The following F13A1 variants were observed in gnomAD, a reference collection of about 807,000 sequenced individuals.
F13A1 encodes FSF, A subunit.
Under a neutral mutation model 80.1 loss-of-function variants are expected in F13A1, and 47 were observed. The ratio of observed to expected loss-of-function variants is 0.59; its 90% CI spans 0.46 to 0.75. F13A1 has a LOEUF of 0.75. Ranked by LOEUF, F13A1 falls within the 30% of genes least tolerant of loss-of-function variation. F13A1 has a pLI of 0.00. For synonymous variants in F13A1, 349 were observed against 344.9 expected (o/e 1.01, Z -0.13); for missense variants, 817 against 930.4 (o/e 0.88, Z 1.59).
intron 8 of F13A1, among the ~76,000 whole-genome samples, chr6:6,208,716 A>G (rs1039301915): frequency 1.3e-5 from 2 of 152,306 alleles, no homozygotes; most frequent in Admixed American, 1.3e-4. Flanking sequence ...CATTAAAAAA[A>G]TAATTTACCA....
intron 8 of F13A1, among the ~76,000 whole-genome samples, chr6:6,203,443 C>T (rs1235436584): frequency 6.6e-6 from 1 of 152,202 alleles, no homozygotes; most frequent in Admixed American, 6.5e-5. Context: ...CCTTTTAAGT[C>T]TGGGTCTAGA....
chr6:6,315,474 A>G (rs531446248), intron 2 of F13A1, among the ~76,000 whole-genome samples: 1 of 152,230 alleles, frequency 6.6e-6, no homozygotes, highest in African/African-American at 2.4e-5. Context: ...GGTGTGTATG[A>G]GAGGAAACTT....
intron 6 of F13A1, among the ~76,000 whole-genome samples, chr6:6,245,370 G>T (rs1161598296): frequency 6.6e-6 from 1 of 152,062 alleles, no homozygotes; most frequent in Non-Finnish European, 1.5e-5. Flanking sequence ...TTACAGGCAT[G>T]CATCACCATG....
intron 8 of F13A1, among the ~76,000 whole-genome samples, chr6:6,220,479 T>TGG (rs771077236): frequency 1.8e-4 from 28 of 152,078 alleles, no homozygotes; most frequent in Non-Finnish European, 2.9e-4. Context: ...TATTTGATGA[T>TGG]GGGAGGTACC....
At chr6:6,177,553 C>G (rs1301572664) in intron 11 of F13A1, among the ~76,000 whole-genome samples, 1 of 152,212 alleles carries the variant, frequency 6.6e-6, no homozygotes, top group Non-Finnish European at 1.5e-5. Context: ...CAGCCAGAGA[C>G]AAAACTTTCC....
intron 8 of F13A1, among the ~76,000 whole-genome samples, chr6:6,218,694 G>T (rs1466308621): frequency 6.6e-6 from 1 of 152,196 alleles, no homozygotes. Flanking sequence ...CCCCCCTGAG[G>T]TGAGGCTCCC....
At chr6:6,314,362 G>A (rs1758650575) in intron 2 of F13A1, among the ~76,000 whole-genome samples, 2 of 152,130 alleles carry the variant, frequency 1.3e-5, no homozygotes, top group East Asian at 1.9e-4. Context: ...TTATCTGCAG[G>A]AGGAAAGCAA....
chr6:6,151,070 C>T lies in F13A1; in HGVS notation c.2045+743G>A, dbSNP rs540194429. Reference sequence around the variant, plus strand: ...AATGGTAGAAAAACCTGTTTCCTTACTGTTAGAGCTACCTGACCATGGAAT... The same window carrying T: ...AATGGTAGAAAAACCTGTTTCCTTATTGTTAGAGCTACCTGACCATGGAAT... On this transcript the variant is annotated intron_variant, in intron 14 of 14. Coordinates refer to ENST00000264870, the MANE Select transcript of F13A1 (RefSeq NM_000129.4). 1.3e-3 allele frequency among the ~76,000 whole-genome samples: 202 copies of T among 152,314 alleles called. 1 individual carries two copies. Among genetic ancestry groups the T allele is most frequent in the Middle Eastern group, 6.8e-3 (2 of 294 alleles).
At position 6,185,289 on chromosome 6, in the gene F13A1, C is replaced by G. The variant is rs149805422; in HGVS notation, c.1306-3148G>C. Among the ~76,000 whole-genome samples, 861 of 121,242 alleles carry G rather than the reference C, an allele frequency of 7.1e-3. 7 individuals carry two copies. Among genetic ancestry groups the G allele is most frequent in the Middle Eastern group, 0.07 (15 of 214 alleles). 79.5% of individuals were successfully genotyped at this position (121,242 alleles called of 152,430 possible). A position where few individuals can be genotyped will look rare whatever the true frequency, so the allele number is the denominator to read the frequency against. ...ATGCTATCCCTCCCCCCTCCCCCCACCCCACAACAGTCCCCAAAGTGTGAT... is the reference window on the plus strand; with the variant it reads ...ATGCTATCCCTCCCCCCTCCCCCCAGCCCACAACAGTCCCCAAAGTGTGAT... On this transcript the variant is annotated intron_variant, in intron 10 of 14. Transcript: ENST00000264870.
intron 3 of F13A1, among the ~76,000 whole-genome samples, chr6:6,298,859 T>C (rs1758374388): frequency 6.7e-6 from 1 of 149,212 alleles, no homozygotes; most frequent in Non-Finnish European, 1.5e-5. Flanking sequence ...GTCTTTACAT[T>C]TTGGCATGAT....
At chr6:6,158,284 A>G (rs916964233) in intron 13 of F13A1, among the ~76,000 whole-genome samples, 5 of 152,106 alleles carry the variant, frequency 3.3e-5, no homozygotes, top group African/African-American at 1.2e-4. Context: ...AGGGAGAGCA[A>G]GCTGGATGCA....
At chr6:6,256,195 A>T (rs1757699963) in intron 4 of F13A1, among the ~76,000 whole-genome samples, 1 of 152,150 alleles carries the variant, frequency 6.6e-6, no homozygotes, top group Non-Finnish European at 1.5e-5. Flanking sequence ...CTATTCTAGA[A>T]ACCCAACAAT....
intron 6 of F13A1, among the ~76,000 whole-genome samples, chr6:6,246,883 T>C (rs939265409): frequency 6.6e-6 from 1 of 152,266 alleles, no homozygotes; most frequent in African/African-American, 2.4e-5. Context: ...TAGCTGTTGC[T>C]TCCTTTCTTA....
intron 1 of F13A1, among the ~76,000 whole-genome samples, chr6:6,319,636 T>C (rs1171998023): frequency 6.6e-6 from 1 of 152,160 alleles, no homozygotes; most frequent in Non-Finnish European, 1.5e-5. Flanking sequence ...TCATGACTCC[T>C]GGAGACTTGG....
At chr6:6,308,717 A>G (rs1758549550) in intron 2 of F13A1, among the ~76,000 whole-genome samples, 1 of 149,596 alleles carries the variant, frequency 6.7e-6, no homozygotes, top group Admixed American at 6.8e-5. Flanking sequence ...GGTTCAAGCA[A>G]TTCTCATGTC....
At chr6:6,151,707 A>G (rs1002340452) in intron 14 of F13A1, 106 bp downstream of exon 14, 6 of 1,524,012 alleles carry the variant, frequency 3.9e-6, no homozygotes, top group Non-Finnish European at 2.7e-6. Flanking sequence ...GGCAGCTTCC[A>G]AGACATTTTC....
intron 7 of F13A1, among the ~76,000 whole-genome samples, chr6:6,223,136 GCTTGACTTTAGGGCAC>G (rs1327578337): frequency 2.0e-5 from 3 of 152,182 alleles, no homozygotes; most frequent in African/African-American, 7.2e-5. Flanking sequence ...AGAAAGTGAG[GCTTGACTTTAGGGCAC>G]CTGTTCCTCC....
chr6:6,276,271 G>A (rs986558475), intron 3 of F13A1, among the ~76,000 whole-genome samples: 1 of 152,168 alleles, frequency 6.6e-6, no homozygotes. Context: ...GAGATGTCAG[G>A]GTGTGTCTCC....
chr6:6,189,847 A>C (rs970847625), intron 10 of F13A1, among the ~76,000 whole-genome samples: 1 of 151,898 alleles, frequency 6.6e-6, no homozygotes, highest in African/African-American at 2.4e-5. Flanking sequence ...TCTCCCCATC[A>C]CTTTCAGGTA....
Sources: gnomAD v4.1 joint callset for allele counts (sites outside exome capture counted in the v4.1 genomes callset) on GRCh38, gnomAD v4.1.1 for gene constraint, MANE v1.5 for transcripts, NCBI Gene and HGNC (gene_info 2026-07-23, HGNC 2026-07-21) for gene names.